The following ARMC1 variants were observed in gnomAD, a reference collection of about 807,000 sequenced individuals.
ARMC1 encodes the protein armadillo repeat containing 1.
ARMC1 carries 16 observed loss-of-function variants against 31.4 expected under a neutral mutation model. The ratio of observed to expected loss-of-function variants is 0.51; its 90% confidence interval spans 0.34 to 0.77. The LOEUF (loss-of-function observed/expected upper bound fraction) is 0.77. Among genes scored for constraint, ARMC1 ranks in the 30% least tolerant of loss-of-function variants. The probability of loss-of-function intolerance (pLI) is 0.01; values close to 1 mark genes in which losing one functional copy is unlikely to be tolerated. For synonymous variants in ARMC1, 114 were observed against 118.9 expected (o/e 0.96, Z 0.27); for missense variants, 259 against 347.5 (o/e 0.75, Z 2.02).
Position 65,627,301 on chromosome 8 carries a change from G to A in ARMC1, c.98C>T (p.Ala33Val). The A allele has an allele frequency of 6.2e-7, 1 of 1,613,432 alleles. No individual in the cohort carries two copies. The highest frequency in any genetic ancestry group is 8.5e-7 in the Non-Finnish European group (1 of 1,179,700). The change falls in exon 2 of 7, where the codon GCC (alanine) becomes GTC (valine). Residue 33 changes from alanine (A) to valine (V), a missense_variant. By Grantham distance (64) the Ala-to-Val change is moderately conservative. This residue lies in a region of ARMC1 where 163 missense variants were observed against 186.7 expected (regional missense o/e 0.87). Transcript: ENST00000276569. ...DLAADPLNRRAIVQDQGCLPG... is the reference protein window; with the variant it reads ...DLAADPLNRRVIVQDQGCLPG... ...CAGACATCCCTGATCCTGGACGATGGCTCTTCTGTTTAACGGATCTGCTGC... is the reference window on the plus strand; with the variant it reads ...CAGACATCCCTGATCCTGGACGATGACTCTTCTGTTTAACGGATCTGCTGC...
intron 3 of ARMC1, among the ~76,000 whole-genome samples, chr8:65,621,419 TTAC>T (rs1300106272): frequency 1.3e-5 from 2 of 152,292 alleles, no homozygotes; most frequent in East Asian, 3.9e-4. Flanking sequence ...ACTTAAGAAT[TTAC>T]TACAAAATTA....
At chr8:65,629,444 G>T (rs142855110) in intron 1 of ARMC1, among the ~76,000 whole-genome samples, 2 of 152,290 alleles carry the variant, frequency 1.3e-5, no homozygotes, top group Non-Finnish European at 2.9e-5. Flanking sequence ...ATACAAAGTC[G>T]TAGTAGGAAT....
At chr8:65,614,156 C>T (rs1443344329) in intron 3 of ARMC1, among the ~76,000 whole-genome samples, 1 of 152,132 alleles carries the variant, frequency 6.6e-6, no homozygotes, top group Non-Finnish European at 1.5e-5. Context: ...ATACTATCAA[C>T]TAATTTCAAG....
At chr8:65,632,318 G>A (rs907564193) in intron 1 of ARMC1, among the ~76,000 whole-genome samples, 1 of 151,914 alleles carries the variant, frequency 6.6e-6, no homozygotes, top group Non-Finnish European at 1.5e-5. Flanking sequence ...CTGAGCCTGG[G>A]AGCTCGACAG....
chr8:65,614,965 A>G (rs981035426), intron 3 of ARMC1, among the ~76,000 whole-genome samples: 2 of 152,226 alleles, frequency 1.3e-5, no homozygotes, highest in African/African-American at 2.4e-5. Context: ...TTATAAGTAT[A>G]TGAACTCTTT....
At chr8:65,613,040 T>G (rs966772083) in intron 4 of ARMC1, among the ~76,000 whole-genome samples, 2 of 152,194 alleles carry the variant, frequency 1.3e-5, no homozygotes, top group Non-Finnish European at 2.9e-5. Context: ...AAGTTTTACT[T>G]CATATATTTC....
rs550173200 is a variant in ARMC1 at position 65,634,091 on chromosome 8, C to G, written c.-129G>C. On this transcript the variant is annotated 5_prime_UTR_variant, in exon 1 of 7. Transcript: ENST00000276569. Reference sequence around the variant, plus strand: ...CCCAGGCGGCGCGGAGCGAGCCCTTCGGTTCGCAGCCCCGGCCGCGGCGAT... The same window carrying G: ...CCCAGGCGGCGCGGAGCGAGCCCTTGGGTTCGCAGCCCCGGCCGCGGCGAT... 6.6e-6 allele frequency: 1 copy of G among 152,410 alleles called. No homozygotes were observed. The highest frequency in any genetic ancestry group is 1.5e-5 in the Non-Finnish European group (1 of 68,168). The allele number at this position is 152,410 out of a possible 1,614,324, so 9.4% of individuals were successfully genotyped here. A position where few individuals can be genotyped will look rare whatever the true frequency, so the allele number is the denominator to read the frequency against.
chr8:65,623,786 CTTTTT>C (rs201008780), intron 2 of ARMC1, among the ~76,000 whole-genome samples: 2 of 26,078 alleles, frequency 7.7e-5, no homozygotes, highest in East Asian at 1.1e-3. Context: ...AAAGTAAAAT[CTTTTT>C]TTTTTTTTTT....
chr8:65,610,457 G>A (rs1247778039), intron 4 of ARMC1, among the ~76,000 whole-genome samples: 1 of 146,646 alleles, frequency 6.8e-6, no homozygotes, highest in Non-Finnish European at 1.5e-5. Context: ...ACACTTTGGA[G>A]ACCAAAGCAG....
intron 4 of ARMC1, among the ~76,000 whole-genome samples, chr8:65,611,345 T>C (rs1405585068): frequency 2.0e-5 from 3 of 152,220 alleles, no homozygotes; most frequent in African/African-American, 7.2e-5. Flanking sequence ...ACTAGAGGCT[T>C]ATCAATTTTA....
Position 65,622,248 on chromosome 8 carries a change from G to T in ARMC1, c.275+15C>A. 1 of 1,575,096 alleles carries T rather than the reference G, an allele frequency of 6.3e-7. No homozygotes were observed. Among genetic ancestry groups the T allele is most frequent in the Non-Finnish European group, 8.7e-7 (1 of 1,145,532 alleles). On this transcript the variant is annotated intron_variant, in intron 3 of 6. Coordinates refer to ENST00000276569, the MANE Select transcript of ARMC1 (RefSeq NM_018120.6). ...TAAGTATATAAATAAATGAGACACT[G>T]TCTATTGTACTTACTTCTGTATAAC...
chr8:65,616,866 TGTCTGAGAAGTGAGGAGCCCCTCCGCCC>T (rs1563415656), intron 3 of ARMC1, among the ~76,000 whole-genome samples: 5 of 146,232 alleles, frequency 3.4e-5, no homozygotes, highest in African/African-American at 1.3e-4. Flanking sequence ...GCAGCCGCCC[TGTCTGAGAAGTGAGGAGCCCCTCCGCCC>T]GGCAGCCGCC....
At chr8:65,614,295 C>T (rs1808205235) in intron 3 of ARMC1, among the ~76,000 whole-genome samples, 1 of 152,178 alleles carries the variant, frequency 6.6e-6, no homozygotes, top group Non-Finnish European at 1.5e-5. Context: ...ACTACAGATC[C>T]TCACATCAAC....
chr8:65,630,086 A>C (rs1808608975), intron 1 of ARMC1, among the ~76,000 whole-genome samples: 1 of 152,126 alleles, frequency 6.6e-6, no homozygotes, highest in Non-Finnish European at 1.5e-5. Context: ...TGGAGGTTGC[A>C]GTGAGCCGAG....
intron 2 of ARMC1, among the ~76,000 whole-genome samples, chr8:65,623,054 A>G (rs1185260075): frequency 6.6e-6 from 1 of 151,318 alleles, no homozygotes; most frequent in East Asian, 1.9e-4. Context: ...TCACGCCTGT[A>G]ATCTCAGCAC....
Position 65,616,439 on chromosome 8 carries a change from ATGG to A in ARMC1, c.276-3009_276-3007del, listed in dbSNP as rs1808260248. ...CGGAGTCTGGTTCACTCAGTGCTCA[ATGG>A]TGCCCAGGCTGGAGTGCAGTGGCGT... On this transcript the variant is annotated intron_variant, in intron 3 of 6. Transcript: ENST00000276569. 2.0e-5 allele frequency among the ~76,000 whole-genome samples: 3 copies of A among 152,272 alleles called. No individual in the cohort carries two copies. In the South Asian group the frequency reaches 6.2e-4, roughly 32 times the overall value.
intron 2 of ARMC1, among the ~76,000 whole-genome samples, chr8:65,626,044 A>G (rs538858308): frequency 1.3e-5 from 2 of 151,904 alleles, no homozygotes; most frequent in African/African-American, 4.8e-5. Flanking sequence ...ACCCACCACC[A>G]CGCCCGGCTA....
In ARMC1 at chr8:65,603,417, C is replaced by G. The variant is rs182288000; in HGVS notation, c.*977G>C. 5.9e-5 allele frequency: 9 copies of G among 152,286 alleles called. No individual in the cohort carries two copies. Among genetic ancestry groups the G allele is most frequent in the African/African-American group, 2.2e-4 (9 of 41,562 alleles). The allele number at this position is 152,286 out of a possible 1,614,324, so 9.4% of individuals were successfully genotyped here. On this transcript the variant is annotated 3_prime_UTR_variant, in exon 7 of 7. Transcript: ENST00000276569. Reference sequence around the variant, plus strand: ...ACAAAGAAACACCTACTGAATAGAACTCTGTCGAGCAATTCATGTTTTAAA... The same window carrying G: ...ACAAAGAAACACCTACTGAATAGAAGTCTGTCGAGCAATTCATGTTTTAAA...
intron 2 of ARMC1, among the ~76,000 whole-genome samples, chr8:65,625,035 C>T (rs1197918511): frequency 3.9e-5 from 6 of 152,150 alleles, no homozygotes; most frequent in African/African-American, 1.4e-4. Context: ...GCAGGAGAAT[C>T]GCTTGAACCC....
Sources: allele counts gnomAD v4.1 joint callset (sites outside exome capture counted in the v4.1 genomes callset), GRCh38; gene constraint gnomAD v4.1.1; regional missense constraint gnomAD v4.1.1; transcripts MANE v1.5; gene names NCBI Gene and HGNC (gene_info 2026-07-23, HGNC 2026-07-21).